Variants in PTPRM observed in about 807,000 individuals in gnomAD.
PTPRM encodes the protein protein tyrosine phosphatase receptor type M, also known as receptor-type tyrosine-protein phosphatase mu.
A neutral mutation model predicts 186.7 loss-of-function variants in PTPRM; 47 were observed. The ratio of observed to expected loss-of-function variants is 0.25; its 90% CI spans 0.20 to 0.32. PTPRM has a LOEUF of 0.32. Among genes scored for constraint, PTPRM ranks in the 10% least tolerant of loss-of-function variants. The pLI, the probability that PTPRM is intolerant of heterozygous loss-of-function variation, is 1.00. For synonymous variants in PTPRM, 668 were observed against 674.9 expected (o/e 0.99, Z 0.16); for missense variants, 1,494 against 1,865.0 (o/e 0.80, Z 3.66).
chr18:7,584,568 AT>A (rs111705725), intron 1 of PTPRM, among the ~76,000 whole-genome samples: 7,027 of 147,356 alleles, frequency 0.048, 180 homozygotes, highest in South Asian at 0.088. Flanking sequence ...TTGTGTTGGC[AT>A]TTTTTTTTTT....
In PTPRM at chr18:8,356,699, A is replaced by G. The variant is rs576799473; in HGVS notation, c.3054+13179A>G. On this transcript the variant is annotated intron_variant, in intron 23 of 32. Transcript: ENST00000580170. ...GGGGAGAAGGTAAGGATGGGCAGAT[A>G]TAAGTGAGACTCCAGTTGGCGGCTA... 4.6e-5 allele frequency among the ~76,000 whole-genome samples: 7 copies of G among 152,310 alleles called. No homozygotes were observed. In the South Asian group the frequency reaches 1.5e-3, roughly 32 times the overall value.
chr18:7,833,748 ACAACAAC>A (rs1567888004), intron 2 of PTPRM, among the ~76,000 whole-genome samples: 3,833 of 22,822 alleles, frequency 0.17, 167 homozygotes, highest in African/African-American at 0.47. Flanking sequence ...AAGAAAAACA[ACAACAAC>A]AACAACAACA....
chr18:8,222,413 C>A (rs1222885466), intron 14 of PTPRM, among the ~76,000 whole-genome samples: 1 of 152,130 alleles, frequency 6.6e-6, no homozygotes, highest in Non-Finnish European at 1.5e-5. Flanking sequence ...TTCATCAACC[C>A]CCTACAAAGT....
At chr18:7,830,268 C>G (rs968046142) in intron 2 of PTPRM, among the ~76,000 whole-genome samples, 4 of 152,134 alleles carry the variant, frequency 2.6e-5, no homozygotes, top group Admixed American at 2.6e-4. Context: ...GCTGGCCAAT[C>G]AGAGCCTCAG....
intron 22 of PTPRM, among the ~76,000 whole-genome samples, chr18:8,320,386 C>A (rs1312110833): frequency 6.6e-6 from 1 of 152,114 alleles, no homozygotes; most frequent in East Asian, 1.9e-4. Flanking sequence ...GGAAAAGAGG[C>A]AGTTGTAGCC....
At chr18:8,362,230 A>T (rs1474629353) in intron 23 of PTPRM, among the ~76,000 whole-genome samples, 2 of 152,130 alleles carry the variant, frequency 1.3e-5, no homozygotes, top group Admixed American at 1.3e-4. Flanking sequence ...CCCTTGTCGC[A>T]ATTAGTTCGC....
intron 14 of PTPRM, among the ~76,000 whole-genome samples, chr18:8,227,259 G>A (rs1353720837): frequency 6.6e-6 from 1 of 152,166 alleles, no homozygotes; most frequent in Admixed American, 6.5e-5. Flanking sequence ...AATGGGATCT[G>A]GGCCCTCCAA....
At chr18:8,131,498 C>A (rs1024120361) in intron 13 of PTPRM, among the ~76,000 whole-genome samples, 2 of 152,180 alleles carry the variant, frequency 1.3e-5, no homozygotes, top group African/African-American at 4.8e-5. Flanking sequence ...TTTTATACTT[C>A]CCTGCCACCC....
Position 8,047,098 on chromosome 18 carries a change from A to G in PTPRM, c.1133-22588A>G, listed in dbSNP as rs577802306. Among the ~76,000 whole-genome samples, 253 of 152,350 alleles carry G rather than the reference A, an allele frequency of 1.7e-3. 1 individual carries two copies. Among genetic ancestry groups the G allele is most frequent in the African/African-American group, 5.6e-3 (234 of 41,574 alleles). The stretch of plus-strand genomic sequence containing the variant: ...ACTTTTTAAGTTATTTATCATATCT[A>G]TAACCCATTAGAATTAATAGCTGTA... On this transcript the variant is annotated intron_variant, in intron 7 of 32. Transcript: ENST00000580170.
At chr18:7,593,128 T>C (rs1299469277) in intron 1 of PTPRM, among the ~76,000 whole-genome samples, 1 of 152,214 alleles carries the variant, frequency 6.6e-6, no homozygotes, top group Non-Finnish European at 1.5e-5. Context: ...TAGTTAATAA[T>C]TGCTGGTGTG....
At chr18:8,404,764 C>G (rs2095893748) in intron 32 of PTPRM, 1 of 152,278 alleles carries the variant, frequency 6.6e-6, no homozygotes, top group South Asian at 2.1e-4. Flanking sequence ...AGAGAGCCTT[C>G]CAGTTGCTAA....
At position 8,380,900 on chromosome 18, in the gene PTPRM, C is replaced by CGTCATGCAGGGCAGGTAGAGATT. The variant is rs1248210923; in HGVS notation, c.3918+485_3918+507dup. Among the ~76,000 whole-genome samples the CGTCATGCAGGGCAGGTAGAGATT allele has an allele frequency of 5.9e-5, 9 of 152,190 alleles. No homozygotes were observed. The Middle Eastern group carries it at 0.014, about 230-fold the overall frequency. On this transcript the variant is annotated intron_variant, in intron 29 of 32. Coordinates refer to ENST00000580170, the MANE Select transcript of PTPRM (RefSeq NM_001105244.2). ...TCACCGGGAGCCTACAGGTAGAGAT[C>CGTCATGCAGGGCAGGTAGAGATT]GTCATGCAGGGCAGGTAGAGATTGT...
At chr18:8,138,205 C>G (rs1235992810) in intron 13 of PTPRM, among the ~76,000 whole-genome samples, 1 of 66,776 alleles carries the variant, frequency 1.5e-5, no homozygotes, top group Non-Finnish European at 3.5e-5. Flanking sequence ...CACCCCCTAC[C>G]TTTTTTTTTT....
At chr18:7,603,415 A>T (rs1766608423) in intron 1 of PTPRM, among the ~76,000 whole-genome samples, 1 of 152,198 alleles carries the variant, frequency 6.6e-6, no homozygotes, top group African/African-American at 2.4e-5. Context: ...TGTTAAGCTA[A>T]CGTTTGCAGG....
chr18:8,400,694 C>T, intron 32 of PTPRM, among the ~76,000 whole-genome samples: 1 of 152,214 alleles, frequency 6.6e-6, no homozygotes, highest in East Asian at 1.9e-4. Context: ...CCCTCTGTAA[C>T]TTACAGCCGA....
At chr18:7,673,966 A>C (rs927112130) in intron 1 of PTPRM, among the ~76,000 whole-genome samples, 4 of 152,132 alleles carry the variant, frequency 2.6e-5, no homozygotes, top group Non-Finnish European at 5.9e-5. Flanking sequence ...AGGGGAGAAG[A>C]GTACACGCAG....
At chr18:7,888,920 G>C (rs921502474) in intron 3 of PTPRM, among the ~76,000 whole-genome samples, 3 of 152,150 alleles carry the variant, frequency 2.0e-5, no homozygotes, top group African/African-American at 7.2e-5. Context: ...TAAGCACTGG[G>C]TGCACATGGA....
In PTPRM at chr18:8,054,298, A is replaced by ATATATATATATAT. The variant is rs1555710874; in HGVS notation, c.1133-15388_1133-15387insTATATATATATAT. ...AGTAGTAATATATACTAGTAGTAGT[A>ATATATATATATAT]ATATATATATATATATATATATATT... On this transcript the variant is annotated intron_variant, in intron 7 of 32. Coordinates refer to ENST00000580170, the MANE Select transcript of PTPRM (RefSeq NM_001105244.2). Among the ~76,000 whole-genome samples the ATATATATATATAT allele has an allele frequency of 7.1e-4, 94 of 131,684 alleles. 2 individuals carry two copies. The highest frequency in any genetic ancestry group is 1.5e-3 in the African/African-American group (47 of 30,792). 86.4% of individuals were successfully genotyped at this position (131,684 alleles called of 152,430 possible).
chr18:7,809,138 A>G (rs370634530), intron 2 of PTPRM, among the ~76,000 whole-genome samples: 1 of 152,086 alleles, frequency 6.6e-6, no homozygotes, highest in Non-Finnish European at 1.5e-5. Flanking sequence ...GGGTGTTCCC[A>G]TGAGGCTTCT....
Sources: gnomAD v4.1 joint callset for allele counts (sites outside exome capture counted in the v4.1 genomes callset) on GRCh38, gnomAD v4.1.1 for gene constraint, MANE v1.5 for transcripts, NCBI Gene and HGNC (gene_info 2026-07-23, HGNC 2026-07-21) for gene names.